The following IQGAP1 variants were observed in gnomAD, a reference collection of about 807,000 sequenced individuals.
The protein encoded by IQGAP1 is ras GTPase-activating-like protein IQGAP1.
IQGAP1 carries 66 observed loss-of-function variants against 215.6 expected under a neutral mutation model. The ratio of observed to expected loss-of-function variants is 0.31; its 90% CI spans 0.25 to 0.38. The LOEUF (loss-of-function observed/expected upper bound fraction) is 0.38. Ranked by LOEUF, IQGAP1 falls within the 10% of genes least tolerant of loss-of-function variation. The pLI is 1.00. For synonymous variants in IQGAP1, 772 were observed against 728.7 expected (o/e 1.06, Z -0.96); for missense variants, 1,712 against 1,997.1 (o/e 0.86, Z 2.72).
chr15:90,437,316 A>C (rs961242448), intron 5 of IQGAP1, among the ~76,000 whole-genome samples: 3 of 152,202 alleles, frequency 2.0e-5, no homozygotes, highest in Non-Finnish European at 2.9e-5. Context: ...ACAATTTGAC[A>C]TGAGATTTGG....
At position 90,443,420 on chromosome 15, in the gene IQGAP1, T is replaced by A. The variant is rs182710515; in HGVS notation, c.855T>A (p.Asp285Glu). The A allele has an allele frequency of 5.1e-5, 83 of 1,613,184 alleles. No individual in the cohort carries two copies. In the East Asian group the frequency reaches 1.8e-3, roughly 35 times the overall value. Residue 285 changes from aspartate to glutamate, a missense_variant, in exon 9 of 38, where the codon GAT becomes GAA. Asp to Glu is a conservative substitution (Grantham distance 45, BLOSUM62 2). Coordinates refer to ENST00000268182, the MANE Select transcript of IQGAP1 (RefSeq NM_003870.4). ...CAGAAAACTCAGAGAGAGAAAGAGA[T>A]GTTTATGAGGAGCTGCTCACGCAAG... ...NRTENSERER[D>E]VYEELLTQAE...
At chr15:90,444,243 CTGTGTGTGTGTGTGTGTG>C (rs34494521) in intron 9 of IQGAP1, among the ~76,000 whole-genome samples, 1 of 126,942 alleles carries the variant, frequency 7.9e-6, no homozygotes, top group Non-Finnish European at 1.6e-5. Flanking sequence ...TCCTTCAAAA[CTGTGTGTGTGTGTGTGTG>C]TGTGTGTGTG....
intron 37 of IQGAP1, among the ~76,000 whole-genome samples, chr15:90,498,254 A>G (rs1019127028): frequency 6.6e-6 from 1 of 152,040 alleles, no homozygotes; most frequent in Non-Finnish European, 1.5e-5. Context: ...TTTCTTAGTC[A>G]TCTTCGTTTC....
chr15:90,481,327 C>T (rs1966056409), intron 26 of IQGAP1, among the ~76,000 whole-genome samples: 1 of 148,776 alleles, frequency 6.7e-6, no homozygotes, highest in Admixed American at 6.7e-5. Context: ...AGTCCTCCCA[C>T]CTCAGCCTTC....
intron 1 of IQGAP1, among the ~76,000 whole-genome samples, chr15:90,389,433 C>T (rs148260841): frequency 0.012 from 1,754 of 151,144 alleles, 27 homozygotes; most frequent in Non-Finnish European, 0.015. Context: ...GCAAACTCCA[C>T]CTCCCAGGTT....
intron 7 of IQGAP1, 94 bp from the exon 8 acceptor site, chr15:90,441,412 G>A: frequency 1.9e-6 from 2 of 1,054,008 alleles, no homozygotes; most frequent in Non-Finnish European, 2.8e-6. Flanking sequence ...GTCTCTAATG[G>A]GGGGTGCAAT....
At chr15:90,410,628 T>C (rs946942160) in intron 2 of IQGAP1, among the ~76,000 whole-genome samples, 2 of 151,118 alleles carry the variant, frequency 1.3e-5, no homozygotes, top group African/African-American at 2.4e-5. Flanking sequence ...TAGGTGGGAA[T>C]TGAACAATGA....
chr15:90,401,989 A>G (rs1416301721), intron 2 of IQGAP1, among the ~76,000 whole-genome samples: 1 of 152,218 alleles, frequency 6.6e-6, no homozygotes, highest in African/African-American at 2.4e-5. Flanking sequence ...TTGTGACACC[A>G]AAGCTGGTGC....
chr15:90,453,236 G>A lies in IQGAP1; in HGVS notation c.1431G>A (p.Lys477=). Residue 477 remains lysine (K), a synonymous_variant, in exon 13 of 38, where the codon AAG becomes AAA. Transcript: ENST00000268182. The part of the protein sequence containing the change: ...LESGDVNTVW[K]QLSSSVTGLT... Reference sequence around the variant, plus strand: ...CAGGAGATGTGAATACAGTGTGGAAGCAATTGAGCAGTTCAGTTACTGGTC... The same window carrying A: ...CAGGAGATGTGAATACAGTGTGGAAACAATTGAGCAGTTCAGTTACTGGTC... The A allele has an allele frequency of 6.2e-7, 1 of 1,614,030 alleles. No individual in the cohort carries two copies. Among genetic ancestry groups the A allele is most frequent in the South Asian group, 1.1e-5 (1 of 91,068 alleles).
intron 18 of IQGAP1, among the ~76,000 whole-genome samples, chr15:90,471,563 G>A (rs771897484): frequency 9.3e-5 from 14 of 151,326 alleles, no homozygotes; most frequent in Non-Finnish European, 2.9e-5. Flanking sequence ...GCAATGGCGC[G>A]ATCTTGGCTC....
At chr15:90,476,638 T>A (rs1307511261) in intron 23 of IQGAP1, 25 bp from the exon 24 acceptor site, 3 of 1,531,124 alleles carry the variant, frequency 2.0e-6, no homozygotes, top group Non-Finnish European at 8.8e-7. Context: ...AGCTTTCTGA[T>A]CTATTTATTG....
At position 90,448,635 on chromosome 15, in the gene IQGAP1, A is replaced by G. The variant is rs567511476; in HGVS notation, c.976A>G (p.Arg326Gly). 1.9e-6 allele frequency: 3 copies of G among 1,611,642 alleles called. No individual in the cohort carries two copies. In the South Asian group the frequency reaches 3.3e-5, roughly 18 times the overall value. ...ACAAGGAGATGCACTGGCCTTGTTCAGGGCTCTGCAGTCACCAGCCCTGGG... is the reference window on the plus strand; with the variant it reads ...ACAAGGAGATGCACTGGCCTTGTTCGGGGCTCTGCAGTCACCAGCCCTGGG... ...LEQGDALALF[R>G]ALQSPALGLR... is the part of the protein sequence containing the mutation. The change falls in exon 10 of 38, where the codon AGG becomes GGG. Residue 326 changes from arginine to glycine, a missense_variant. Physicochemically the swap from Arg to Gly is moderately radical, Grantham distance 125. This residue lies in a region of IQGAP1 where 1,021 missense variants were observed against 1,074.2 expected (regional missense o/e 0.95). Transcript: ENST00000268182.
At chr15:90,439,588 C>G (rs1233385009) in intron 6 of IQGAP1, among the ~76,000 whole-genome samples, 189 bp downstream of exon 6, 2 of 152,178 alleles carry the variant, frequency 1.3e-5, no homozygotes, top group African/African-American at 4.8e-5. Flanking sequence ...GCTCTGTTCT[C>G]TCACTTAATA....
At chr15:90,435,344 C>G (rs190503106) in intron 5 of IQGAP1, among the ~76,000 whole-genome samples, 2 of 152,246 alleles carry the variant, frequency 1.3e-5, no homozygotes, top group Admixed American at 1.3e-4. Context: ...GGCATGGTGG[C>G]ATTCACCTGT....
intron 34 of IQGAP1, 73 bp from the exon 35 acceptor site, chr15:90,492,472 C>A: frequency 1.4e-5 from 14 of 992,294 alleles, no homozygotes; most frequent in South Asian, 8.5e-5. Context: ...CAGAGTTAAG[C>A]ATTGCTGGGT....
chr15:90,450,411 A>G (rs984096563), intron 11 of IQGAP1, among the ~76,000 whole-genome samples: 1 of 109,688 alleles, frequency 9.1e-6, no homozygotes, highest in African/African-American at 3.6e-5. Flanking sequence ...TATCTTGGCT[A>G]TTGTGAATAC....
At chr15:90,400,962 C>T (rs1247358286) in intron 2 of IQGAP1, among the ~76,000 whole-genome samples, 1 of 152,168 alleles carries the variant, frequency 6.6e-6, no homozygotes, top group Non-Finnish European at 1.5e-5. Context: ...CTAGCTGGTG[C>T]TAAATAAACC....
chr15:90,474,714 G>A lies in IQGAP1; in HGVS notation c.2784+21G>A, dbSNP rs182678079. Reference sequence around the variant, plus strand: ...TGCAGGTATGGCCCAGTGCCAGCGGGGGCCTTGGAACGGTTCATCCTGCTT... The same window carrying A: ...TGCAGGTATGGCCCAGTGCCAGCGGAGGCCTTGGAACGGTTCATCCTGCTT... On this transcript the variant is annotated intron_variant, in intron 23 of 37. Transcript: ENST00000268182. The A allele has an allele frequency of 7.3e-4, 1,150 of 1,575,230 alleles. 1 individual carries two copies. Among genetic ancestry groups the A allele is most frequent in the Non-Finnish European group, 9.2e-4 (1,048 of 1,145,168 alleles).
intron 9 of IQGAP1, among the ~76,000 whole-genome samples, chr15:90,444,243 CTGTG>C (rs34494521): frequency 0.053 from 6,683 of 126,894 alleles, 227 homozygotes; most frequent in Non-Finnish European, 0.073. Flanking sequence ...TCCTTCAAAA[CTGTG>C]TGTGTGTGTG....
Sources: allele counts gnomAD v4.1 joint callset (sites outside exome capture counted in the v4.1 genomes callset), GRCh38; gene constraint gnomAD v4.1.1; regional missense constraint gnomAD v4.1.1; transcripts MANE v1.5; gene names NCBI Gene and HGNC (gene_info 2026-07-23, HGNC 2026-07-21).